Variants in BICD1 observed in about 807,000 individuals in gnomAD.
BICD1 encodes the protein protein bicaudal D homolog 1.
BICD1 carries 35 observed loss-of-function variants against 92.5 expected under a neutral mutation model. That is an observed-to-expected ratio of 0.38 (90% confidence interval 0.29 to 0.50). The LOEUF is 0.50. BICD1 is among the 20% of genes least tolerant of loss of function. The pLI, the probability that BICD1 is intolerant of heterozygous loss-of-function variation, is 0.93. For synonymous variants in BICD1, 429 were observed against 465.1 expected (o/e 0.92, Z 1.00); for missense variants, 950 against 1,189.8 (o/e 0.80, Z 2.97).
chr12:32,215,702 A>C (rs1359954525), intron 1 of BICD1, among the ~76,000 whole-genome samples: 1 of 151,966 alleles, frequency 6.6e-6, no homozygotes, highest in African/African-American at 2.4e-5. Context: ...GTAATCCCAG[A>C]ACTTTGGGAG....
chr12:32,197,909 TA>T (rs5797463), intron 1 of BICD1, among the ~76,000 whole-genome samples: 129,266 of 149,666 alleles, frequency 0.86, 55,854 homozygotes, highest in East Asian at 0.91. Context: ...ATGCATATAG[TA>T]AAAAAAAAAA....
chr12:32,354,588 G>A (rs73303929), intron 8 of BICD1, among the ~76,000 whole-genome samples: 3,584 of 152,228 alleles, frequency 0.024, 137 homozygotes, highest in African/African-American at 0.081. Flanking sequence ...GATTTCACCC[G>A]ATAAGTCAGA....
At chr12:32,115,494 G>T (rs1488198800) in intron 1 of BICD1, among the ~76,000 whole-genome samples, 4 of 151,256 alleles carry the variant, frequency 2.6e-5, no homozygotes, top group African/African-American at 9.7e-5. Context: ...AGGTATTTAC[G>T]AGACAAAGCT....
intron 2 of BICD1, among the ~76,000 whole-genome samples, chr12:32,252,149 T>TTTATTATAAA (rs1565619642): frequency 2.9e-5 from 1 of 34,996 alleles, no homozygotes; most frequent in African/African-American, 1.4e-4. Context: ...ATATTATATA[T>TTTATTATAAA]TACATATTAT....
intron 1 of BICD1, among the ~76,000 whole-genome samples, chr12:32,195,957 A>T (rs1944713662): frequency 6.6e-6 from 1 of 152,230 alleles, no homozygotes; most frequent in South Asian, 2.1e-4. Flanking sequence ...AAGAAAACAT[A>T]AAGCCCAATT....
intron 8 of BICD1, among the ~76,000 whole-genome samples, chr12:32,358,105 T>G (rs1669456505): frequency 6.6e-6 from 1 of 152,028 alleles, no homozygotes; most frequent in South Asian, 2.1e-4. Flanking sequence ...GAGTTTGGTT[T>G]GTTTGTTTGT....
At chr12:32,353,389 T>C (rs991368030) in intron 8 of BICD1, 2 of 152,170 alleles carry the variant, frequency 1.3e-5, no homozygotes, top group Non-Finnish European at 2.9e-5. Context: ...AGTTTTGAGA[T>C]AACTGAATTG....
intron 9 of BICD1, among the ~76,000 whole-genome samples, chr12:32,375,265 G>A (rs964941239): frequency 1.3e-5 from 2 of 151,866 alleles, no homozygotes; most frequent in South Asian, 2.1e-4. Flanking sequence ...ACGGTGGCTC[G>A]TGTGTGTAAT....
chr12:32,198,966 C>T (rs1363597330), intron 1 of BICD1, among the ~76,000 whole-genome samples: 1 of 152,058 alleles, frequency 6.6e-6, no homozygotes, highest in Non-Finnish European at 1.5e-5. Context: ...TTTAATATTC[C>T]ATTTTCCTCT....
chr12:32,199,541 T>G (rs1255857212), intron 1 of BICD1, among the ~76,000 whole-genome samples: 1 of 152,144 alleles, frequency 6.6e-6, no homozygotes, highest in East Asian at 1.9e-4. Context: ...GCCTGGAAAT[T>G]ATCACCAGAC....
chr12:32,335,190 G>C (rs906612950), intron 6 of BICD1, among the ~76,000 whole-genome samples: 1 of 148,840 alleles, frequency 6.7e-6, no homozygotes, highest in Non-Finnish European at 1.5e-5. Flanking sequence ...TTACTCTGTT[G>C]CCCAGGCTAG....
rs117456971 is a variant in BICD1, at chr12:32,340,441, G to A, written c.2764+1462G>A. On this transcript the variant is annotated intron_variant, in intron 8 of 9. Transcript: ENST00000652176. ...ATGATTTATCAGGATACCTAACTCGGATAAAACCCACAAGTCTTCTTTTTA... is the reference window on the plus strand; with the variant it reads ...ATGATTTATCAGGATACCTAACTCGAATAAAACCCACAAGTCTTCTTTTTA... 8.1e-3 allele frequency: 8,017 copies of A among 985,336 alleles called. 49 individuals are homozygous for A. Among genetic ancestry groups the A allele is most frequent in the Middle Eastern group, 0.011 (21 of 1,914 alleles). 61.0% of individuals were successfully genotyped at this position (985,336 alleles called of 1,614,324 possible).
intron 2 of BICD1, among the ~76,000 whole-genome samples, chr12:32,219,359 G>GGATA (rs1945448231): frequency 6.6e-6 from 1 of 152,124 alleles, no homozygotes; most frequent in Admixed American, 6.5e-5. Context: ...AGTAGTTACA[G>GGATA]GATAGTATGG....
At chr12:32,213,340 G>T (rs966095872) in intron 1 of BICD1, among the ~76,000 whole-genome samples, 5 of 152,142 alleles carry the variant, frequency 3.3e-5, no homozygotes, top group Non-Finnish European at 4.4e-5. Flanking sequence ...ATGCATTTTT[G>T]ACAACAATAC....
intron 1 of BICD1, among the ~76,000 whole-genome samples, chr12:32,109,824 T>C (rs1941621865): frequency 6.6e-6 from 1 of 152,046 alleles, no homozygotes; most frequent in Non-Finnish European, 1.5e-5. Context: ...TCAAGTAACA[T>C]TTCTTGTATG....
At chr12:32,288,682 A>T (rs1344365246) in intron 2 of BICD1, among the ~76,000 whole-genome samples, 1 of 152,116 alleles carries the variant, frequency 6.6e-6, no homozygotes, top group Non-Finnish European at 1.5e-5. Flanking sequence ...CCTGGCCAAC[A>T]CAACGAAATC....
chr12:32,351,830 A>G (rs1304472585), intron 8 of BICD1, among the ~76,000 whole-genome samples: 1 of 147,614 alleles, frequency 6.8e-6, no homozygotes, highest in Non-Finnish European at 1.5e-5. Flanking sequence ...TTGAACCAGG[A>G]CGCGGGAGGC....
rs2121508762 is a variant in BICD1 at position 32,163,891 on chromosome 12, G to C, written c.214-52356G>C. Among the ~76,000 whole-genome samples the C allele has an allele frequency of 2.0e-5, 3 of 152,332 alleles. 1 individual carries two copies. In the South Asian group the frequency reaches 6.2e-4, roughly 32 times the overall value. ...GCGTTATCATTTCACATGTGTAAGA[G>C]ATGTTCATGAAGCTTTGGACTAGTC... On this transcript the variant is annotated intron_variant, in intron 1 of 9. Transcript: ENST00000652176.
chr12:32,272,163 G>A (rs1947158494), intron 2 of BICD1, among the ~76,000 whole-genome samples: 2 of 152,076 alleles, frequency 1.3e-5, no homozygotes, highest in African/African-American at 2.4e-5. Flanking sequence ...TCTTTTCAAT[G>A]TATAAATCAT....
Sources: allele counts gnomAD v4.1 joint callset (sites outside exome capture counted in the v4.1 genomes callset), GRCh38; gene constraint gnomAD v4.1.1; transcripts MANE v1.5; gene names NCBI Gene and HGNC (gene_info 2026-07-23, HGNC 2026-07-21).